Variants in CENPH observed in about 807,000 individuals in gnomAD.
CENPH encodes the protein centromere protein H.
In CENPH, 40 loss-of-function variants were observed where a neutral mutation model predicts 42.9. The observed-to-expected ratio is 0.93, with a 90% CI of 0.72 to 1.21. The LOEUF is 1.21. Ranked by LOEUF, CENPH falls within the 50% of genes most tolerant of loss-of-function variation. The pLI, the probability that CENPH is intolerant of heterozygous loss-of-function variation, is 0.00. For missense variants in CENPH, 302 were observed against 292.9 expected (o/e 1.03, Z -0.23); for synonymous variants, 88 against 96.5 (o/e 0.91, Z 0.52).
intron 8 of CENPH, among the ~76,000 whole-genome samples, chr5:69,209,338 GA>G (rs1384037023): frequency 6.6e-6 from 1 of 152,060 alleles, no homozygotes; most frequent in Non-Finnish European, 1.5e-5. Context: ...CTGGCCAAGA[GA>G]CCAGCTGAGC....
At chr5:69,198,857 G>A (rs563402431) in intron 5 of CENPH, among the ~76,000 whole-genome samples, 1 of 152,078 alleles carries the variant, frequency 6.6e-6, no homozygotes, top group African/African-American at 2.4e-5. Context: ...TCAGCCTCCT[G>A]CCTTGATTCT....
At chr5:69,189,826 G>T (rs1747834444) in intron 1 of CENPH, 58 bp downstream of exon 1, 3 of 1,415,342 alleles carry the variant, frequency 2.1e-6, no homozygotes, top group South Asian at 3.0e-5. Flanking sequence ...CCGGAACTCC[G>T]CCCTTGCTCA....
intron 5 of CENPH, among the ~76,000 whole-genome samples, chr5:69,200,078 A>G (rs1366460952): frequency 6.9e-6 from 1 of 144,396 alleles, no homozygotes; most frequent in African/African-American, 2.6e-5. Context: ...GTGCCACTAC[A>G]CTCCAGCCTG....
In CENPH at chr5:69,195,805, T is replaced by A; in HGVS notation, c.314+14T>A. The stretch of plus-strand genomic sequence containing the variant: ...TGCATTAGACAGGTAATTATTACAT[T>A]TTAAATATAAGCATTGTGAACTGAC... On this transcript the variant is annotated intron_variant, in intron 4 of 8. Coordinates refer to ENST00000283006, the MANE Select transcript of CENPH (RefSeq NM_022909.4). 1 of 1,315,138 alleles carries A rather than the reference T, an allele frequency of 7.6e-7. No individual in the cohort carries two copies. The highest frequency in any genetic ancestry group is 1.1e-6 in the Non-Finnish European group (1 of 929,892). 81.5% of individuals were successfully genotyped at this position (1,315,138 alleles called of 1,614,324 possible).
At position 69,195,726 on chromosome 5, in the gene CENPH, A is replaced by C; in HGVS notation, c.249A>C (p.Glu83Asp). The C allele has an allele frequency of 6.4e-7, 1 of 1,552,904 alleles. No individual in the cohort carries two copies. The highest frequency in any genetic ancestry group is 8.8e-7 in the Non-Finnish European group (1 of 1,137,718). Reference protein sequence around the residue: ...MQEKQIEAKIEDLENEIEEVK... With the variant: ...MQEKQIEAKIDDLENEIEEVK... ...CATGTTTCTTTGATAGTAAAATTGAAGACCTGGAAAATGAAATTGAAGAGG... is the reference window on the plus strand; with the variant it reads ...CATGTTTCTTTGATAGTAAAATTGACGACCTGGAAAATGAAATTGAAGAGG... The change falls in exon 4 of 9, where the codon GAA (glutamate) becomes GAC (aspartate). Residue 83 changes from glutamate (E) to aspartate (D), a missense_variant. Glu to Asp is a conservative substitution (Grantham distance 45). Transcript: ENST00000283006.
In CENPH at chr5:69,198,435, A is replaced by G. The variant is rs192280488; in HGVS notation, c.371+1326A>G. ...CTCCTGAATAGCTGGGATTACAGGC[A>G]CCTGCTACAACTCCCAGGTAATTTT... On this transcript the variant is annotated intron_variant, in intron 5 of 8. Transcript: ENST00000283006. Among the ~76,000 whole-genome samples the G allele has an allele frequency of 8.9e-3, 1,346 of 151,876 alleles. 9 individuals are homozygous for G. Among genetic ancestry groups the G allele is most frequent in the African/African-American group, 0.03 (1,230 of 41,416 alleles).
chr5:69,200,758 C>T (rs1161425013), intron 5 of CENPH, among the ~76,000 whole-genome samples: 6 of 37,420 alleles, frequency 1.6e-4, no homozygotes, highest in African/African-American at 3.0e-4. Context: ...TTTTTTGAGA[C>T]GGAATCTTGC....
intron 1 of CENPH, 108 bp from the exon 2 acceptor site, chr5:69,191,687 T>C: frequency 1.5e-6 from 1 of 682,932 alleles, no homozygotes; most frequent in East Asian, 2.7e-5. Flanking sequence ...TTTATATTTA[T>C]TTTGTTGTAT....
chr5:69,206,484 GT>G (rs1330611301), intron 7 of CENPH, among the ~76,000 whole-genome samples: 1 of 148,396 alleles, frequency 6.7e-6, no homozygotes, highest in African/African-American at 2.5e-5. Flanking sequence ...CCCAGCCGGT[GT>G]TTTGTTTGTT....
chr5:69,195,641 C>T, intron 3 of CENPH, 76 bp from the exon 4 acceptor site: 1 of 835,458 alleles, frequency 1.2e-6, no homozygotes, highest in South Asian at 1.5e-5. Flanking sequence ...TTTTTAAGGG[C>T]TTATTTTATA....
At chr5:69,199,883 CA>C (rs1394728007) in intron 5 of CENPH, among the ~76,000 whole-genome samples, 1 of 152,022 alleles carries the variant, frequency 6.6e-6, no homozygotes, top group Non-Finnish European at 1.5e-5. Context: ...GAGGCCGAGG[CA>C]GGCGGATCGT....
At chr5:69,191,089 G>C (rs959416680) in intron 1 of CENPH, among the ~76,000 whole-genome samples, 2 of 152,086 alleles carry the variant, frequency 1.3e-5, no homozygotes, top group Admixed American at 1.3e-4. Flanking sequence ...AGTAATCCAA[G>C]GATTAGTATC....
intron 7 of CENPH, 50 bp from the exon 8 acceptor site, chr5:69,208,146 G>A (rs1433715477): frequency 2.1e-6 from 2 of 942,616 alleles, no homozygotes; most frequent in African/African-American, 3.5e-5. Context: ...CAAGATCCTT[G>A]TTTATAGAGG....
At chr5:69,207,595 G>C (rs1748180111) in intron 7 of CENPH, 1 of 151,494 alleles carries the variant, frequency 6.6e-6, no homozygotes, top group Non-Finnish European at 1.5e-5. Flanking sequence ...ATCACTGGAG[G>C]TCAGGAGTTG....
In CENPH at chr5:69,202,498, C is replaced by A; in HGVS notation, c.372-8C>A. On this transcript the variant is annotated splice_polypyrimidine_tract_variant and splice_region_variant and intron_variant, in intron 5 of 8. Transcript: ENST00000283006. ...CCTTAATAAATCATCTTTTTGTTTC[C>A]TTTTCAGTGTGCTCATGGATAACAT... The A allele has an allele frequency of 6.8e-7, 1 of 1,479,830 alleles. No homozygotes were observed. Among genetic ancestry groups the A allele is most frequent in the Non-Finnish European group, 9.3e-7 (1 of 1,074,608 alleles). The allele number at this position is 1,479,830 out of a possible 1,614,324, so 91.7% of individuals were successfully genotyped here. A position where few individuals can be genotyped will look rare whatever the true frequency, so the allele number is the denominator to read the frequency against.
At chr5:69,202,346 C>T (rs1300772511) in intron 5 of CENPH, among the ~76,000 whole-genome samples, 160 bp from the exon 6 acceptor site, 2 of 152,116 alleles carry the variant, frequency 1.3e-5, no homozygotes, top group African/African-American at 4.8e-5. Flanking sequence ...TTACATCAAA[C>T]TTTTCCAGAT....
intron 7 of CENPH, among the ~76,000 whole-genome samples, chr5:69,204,049 T>A (rs1372189541): frequency 1.8e-5 from 1 of 57,054 alleles, no homozygotes; most frequent in Non-Finnish European, 3.4e-5. Flanking sequence ...TATATTTATA[T>A]ATTATATATA....
intron 7 of CENPH, among the ~76,000 whole-genome samples, chr5:69,203,201 T>C (rs1748085590): frequency 6.6e-6 from 1 of 152,212 alleles, no homozygotes; most frequent in Non-Finnish European, 1.5e-5. Context: ...ACAGTCTTGC[T>C]CTATCACCCA....
intron 7 of CENPH, among the ~76,000 whole-genome samples, chr5:69,207,298 C>T (rs974872482): frequency 7.2e-5 from 11 of 151,754 alleles, no homozygotes; most frequent in African/African-American, 2.4e-4. Flanking sequence ...AAGTGATTCT[C>T]CTGCCTCAGC....
Sources: allele counts gnomAD v4.1 joint callset (sites outside exome capture counted in the v4.1 genomes callset), GRCh38; gene constraint gnomAD v4.1.1; transcripts MANE v1.5; gene names NCBI Gene and HGNC (gene_info 2026-07-23, HGNC 2026-07-21).